ENPP1: variants seen among roughly 807,000 people sequenced by gnomAD.
The protein encoded by ENPP1 is ectonucleotide pyrophosphatase/phosphodiesterase family member 1.
ENPP1 carries 73 observed loss-of-function variants against 122.8 expected under a neutral mutation model. The observed-to-expected ratio is 0.59, with a 90% CI of 0.49 to 0.72. ENPP1 has a LOEUF of 0.72. ENPP1 is among the 30% of genes least tolerant of loss of function. The pLI is 0.00. For missense variants in ENPP1, 978 were observed against 1,128.1 expected (o/e 0.87, Z 1.91); for synonymous variants, 367 against 391.6 (o/e 0.94, Z 0.74).
At chr6:131,864,305 T>C (rs1782060678) in intron 9 of ENPP1, among the ~76,000 whole-genome samples, 1 of 152,228 alleles carries the variant, frequency 6.6e-6, no homozygotes, top group Admixed American at 6.5e-5. Flanking sequence ...TTAAATCCAA[T>C]TGCAATTTTT....
At chr6:131,827,986 C>T (rs1781566002) in intron 1 of ENPP1, 11 of 727,480 alleles carry the variant, frequency 1.5e-5, no homozygotes, top group Non-Finnish European at 2.5e-5. Flanking sequence ...GGAGCTGGTA[C>T]CTGGGGTAGT....
intron 8 of ENPP1, 136 bp downstream of exon 8, chr6:131,860,642 G>C: frequency 1.5e-6 from 1 of 654,622 alleles, no homozygotes; most frequent in South Asian, 1.8e-5. Context: ...TGTAAATGGA[G>C]ATGAATGCTG....
At chr6:131,810,041 C>T (rs746692257) in intron 1 of ENPP1, among the ~76,000 whole-genome samples, 1 of 152,168 alleles carries the variant, frequency 6.6e-6, no homozygotes, top group Non-Finnish European at 1.5e-5. Flanking sequence ...TTTGATGGAA[C>T]ACTGTGAGAC....
rs575691733 is a variant in ENPP1 at position 131,824,982 on chromosome 6, C to A, written c.240+16707C>A. 2.0e-3 allele frequency among the ~76,000 whole-genome samples: 303 copies of A among 152,158 alleles called. 2 individuals carry two copies. Among genetic ancestry groups the A allele is most frequent in the Middle Eastern group, 0.01 (3 of 294 alleles). ...GGCTGAGGCACCAGAATTGCTTGAA[C>A]CCGGGAGGTGGAGGTTGCAGTGAGC... On this transcript the variant is annotated intron_variant, in intron 1 of 24. Coordinates refer to ENST00000647893, the MANE Select transcript of ENPP1 (RefSeq NM_006208.3).
chr6:131,886,752 C>T (rs751161773), intron 24 of ENPP1, 28 bp downstream of exon 24: 4 of 1,601,444 alleles, frequency 2.5e-6, no homozygotes, highest in East Asian at 2.2e-5. Context: ...ATTTACTTTG[C>T]ATGTTGAAAA....
intron 1 of ENPP1, among the ~76,000 whole-genome samples, chr6:131,822,582 TA>T (rs959387340): frequency 1.8e-4 from 27 of 149,854 alleles, no homozygotes; most frequent in African/African-American, 3.2e-4. Context: ...ATATCACTTT[TA>T]AAAAAAAAAA....
At position 131,808,264 on chromosome 6, in the gene ENPP1, G is replaced by A. The variant is rs1781305588; in HGVS notation, c.229G>A (p.Val77Ile). Residue 77 changes from valine (V) to isoleucine (I), a missense_variant, in exon 1 of 25, where the codon GTA becomes ATA. Val to Ile is a conservative substitution (Grantham distance 29, BLOSUM62 3). This residue lies in a region of ENPP1 where 330 missense variants were observed against 328.5 expected (regional missense o/e 1.00). Transcript: ENST00000647893. ...TGCCAAGGACCCCAACACCTATAAAGTACTCTCGCTGGTAGGTCCGCGGCC... is the reference window on the plus strand; with the variant it reads ...TGCCAAGGACCCCAACACCTATAAAATACTCTCGCTGGTAGGTCCGCGGCC... ...RTAKDPNTYKVLSLVLSVCVL... is the reference protein window; with the variant it reads ...RTAKDPNTYKILSLVLSVCVL... 1 of 1,512,876 alleles carries A rather than the reference G, an allele frequency of 6.6e-7. No individual in the cohort carries two copies. 93.7% of individuals were successfully genotyped at this position (1,512,876 alleles called of 1,614,324 possible).
Position 131,850,085 on chromosome 6 carries a change from C to T in ENPP1, c.409C>T (p.Gln137Ter). 6.2e-7 allele frequency: 1 copy of T among 1,611,310 alleles called. No homozygotes were observed. The highest frequency in any genetic ancestry group is 8.5e-7 in the Non-Finnish European group (1 of 1,177,504). Residue 137 changes from glutamine to a stop codon, truncating the protein, a stop_gained, in exon 3 of 25, where the codon CAG becomes TAG. Coordinates refer to ENST00000647893, the MANE Select transcript of ENPP1 (RefSeq NM_006208.3). LOFTEE classifies it high-confidence loss of function. ...VELGNCCLDY[Q>*]ETCIEPEHIW... ...GCTTGGAAACTGCTGTTTAGATTACCAGGAGACGTGCATAGAACCAGGTAA... is the reference window on the plus strand; with the variant it reads ...GCTTGGAAACTGCTGTTTAGATTACTAGGAGACGTGCATAGAACCAGGTAA...
chr6:131,865,060 T>G, intron 11 of ENPP1, 122 bp downstream of exon 11: 2 of 717,020 alleles, frequency 2.8e-6, no homozygotes, highest in Non-Finnish European at 5.1e-6. Flanking sequence ...GCAAGTATTA[T>G]ACACAATATT....
intron 18 of ENPP1, 195 bp downstream of exon 18, chr6:131,877,356 C>T: frequency 1.6e-6 from 1 of 634,682 alleles, no homozygotes; most frequent in South Asian, 1.9e-5. Flanking sequence ...GCATTTTCCA[C>T]TCTATTTTTA....
chr6:131,845,043 GTTTTTTTTTTTTTTTT>G (rs142380855), intron 1 of ENPP1, among the ~76,000 whole-genome samples: 16 of 84,988 alleles, frequency 1.9e-4, no homozygotes, highest in African/African-American at 6.5e-4. Context: ...ATTCTTCATG[GTTTTTTTTTTTTTTTT>G]TTTTTTTTTT....
At chr6:131,810,489 T>C (rs1781336862) in intron 1 of ENPP1, among the ~76,000 whole-genome samples, 1 of 108,516 alleles carries the variant, frequency 9.2e-6, no homozygotes, top group Non-Finnish European at 1.7e-5. Flanking sequence ...GGCTTCCAAA[T>C]GGAAAAGGCC....
intron 1 of ENPP1, among the ~76,000 whole-genome samples, chr6:131,831,763 G>A (rs536662721): frequency 3.1e-4 from 47 of 152,144 alleles, no homozygotes; most frequent in Non-Finnish European, 5.1e-4. Context: ...TGTCATTGAT[G>A]ATGTTAACCT....
intron 7 of ENPP1, among the ~76,000 whole-genome samples, chr6:131,859,476 C>G (rs745992978): frequency 5.3e-5 from 8 of 151,648 alleles, no homozygotes; most frequent in Non-Finnish European, 8.8e-5. Flanking sequence ...ACCTCCACCT[C>G]CCGGGTTCAA....
chr6:131,832,927 A>G (rs778483284), intron 1 of ENPP1, among the ~76,000 whole-genome samples: 73 of 152,240 alleles, frequency 4.8e-4, no homozygotes, highest in Non-Finnish European at 8.4e-4. Flanking sequence ...ATAGTATTTT[A>G]TGTTGTTTGG....
At chr6:131,886,522 G>T in intron 23 of ENPP1, 40 bp from the exon 24 acceptor site, 2 of 1,457,732 alleles carry the variant, frequency 1.4e-6, no homozygotes, top group Non-Finnish European at 1.9e-6. Flanking sequence ...AAGGAAGATA[G>T]TTATTTCTTT....
At chr6:131,874,841 T>TACACAC (rs71710516) in intron 16 of ENPP1, among the ~76,000 whole-genome samples, 1 of 149,118 alleles carries the variant, frequency 6.7e-6, no homozygotes, top group South Asian at 2.2e-4. Context: ...TATATATATA[T>TACACAC]ACACACACAC....
At chr6:131,856,774 A>G (rs1466055657) in intron 6 of ENPP1, among the ~76,000 whole-genome samples, 1 of 148,992 alleles carries the variant, frequency 6.7e-6, no homozygotes, top group Non-Finnish European at 1.5e-5. Flanking sequence ...TGTTTTTCTC[A>G]GGTTTGTCAA....
intron 2 of ENPP1, 133 bp from the exon 3 acceptor site, chr6:131,849,857 C>A: frequency 1.4e-6 from 1 of 712,242 alleles, no homozygotes; most frequent in South Asian, 1.6e-5. Flanking sequence ...TTTTGCCTTA[C>A]TTTATTACCC....
Sources: gnomAD v4.1 joint callset for allele counts (sites outside exome capture counted in the v4.1 genomes callset) on GRCh38, gnomAD v4.1.1 for gene constraint, gnomAD v4.1.1 regional missense constraint, MANE v1.5 for transcripts, NCBI Gene and HGNC (gene_info 2026-07-23, HGNC 2026-07-21) for gene names.